Variants in SLC39A8 observed in about 807,000 individuals in gnomAD.
SLC39A8 encodes the protein metal cation symporter ZIP8.
SLC39A8 carries 15 observed loss-of-function variants against 40.4 expected under a neutral mutation model. That is an observed-to-expected ratio of 0.37 (90% confidence interval 0.25 to 0.57). The LOEUF is 0.57. Ranked by LOEUF, SLC39A8 falls within the 20% of genes least tolerant of loss-of-function variation. The pLI is 0.75. For missense variants in SLC39A8, 472 were observed against 558.8 expected (o/e 0.84, Z 1.57); for synonymous variants, 223 against 221.6 (o/e 1.01, Z -0.06).
At chr4:102,304,733 A>G (rs980454461) in intron 5 of SLC39A8, among the ~76,000 whole-genome samples, 29 of 151,928 alleles carry the variant, frequency 1.9e-4, no homozygotes, top group African/African-American at 6.7e-4. Flanking sequence ...ATAGAATATG[A>G]ATTATGCACA....
At chr4:102,294,700 C>A (rs1265414059) in intron 6 of SLC39A8, among the ~76,000 whole-genome samples, 1 of 152,052 alleles carries the variant, frequency 6.6e-6, no homozygotes, top group Non-Finnish European at 1.5e-5. Flanking sequence ...TGAATACACT[C>A]TTCCTTACTG....
chr4:102,343,064 T>C (rs972546368), intron 2 of SLC39A8, among the ~76,000 whole-genome samples: 1 of 152,182 alleles, frequency 6.6e-6, no homozygotes, highest in Non-Finnish European at 1.5e-5. Context: ...TTTGTGGGCA[T>C]TTCCATTTTT....
chr4:102,330,708 A>C (rs1339272181), intron 2 of SLC39A8, among the ~76,000 whole-genome samples: 1 of 152,232 alleles, frequency 6.6e-6, no homozygotes, highest in Non-Finnish European at 1.5e-5. Context: ...AAAACCTGGC[A>C]AAGACATAAC....
chr4:102,304,758 T>C (rs1734092837), intron 5 of SLC39A8, among the ~76,000 whole-genome samples: 1 of 150,932 alleles, frequency 6.6e-6, no homozygotes, highest in South Asian at 2.1e-4. Context: ...TTATTCAATA[T>C]TAAATTGCTG....
intron 6 of SLC39A8, among the ~76,000 whole-genome samples, chr4:102,295,051 T>C (rs936516187): frequency 6.6e-6 from 1 of 150,594 alleles, no homozygotes; most frequent in African/African-American, 2.4e-5. Flanking sequence ...ATTAAATGTG[T>C]GCATACTCCA....
At chr4:102,333,417 A>G (rs992100121) in intron 2 of SLC39A8, among the ~76,000 whole-genome samples, 3 of 152,204 alleles carry the variant, frequency 2.0e-5, no homozygotes, top group African/African-American at 7.2e-5. Flanking sequence ...TGGAGCTTCA[A>G]GAGATTAACT....
chr4:102,327,373 A>C (rs898076375), intron 2 of SLC39A8, among the ~76,000 whole-genome samples: 67 of 152,186 alleles, frequency 4.4e-4, no homozygotes, highest in African/African-American at 1.2e-3. Flanking sequence ...GGATAGATGA[A>C]TACTCTATCC....
chr4:102,312,000 G>A (rs1734455845), intron 3 of SLC39A8, among the ~76,000 whole-genome samples: 1 of 152,014 alleles, frequency 6.6e-6, no homozygotes, highest in Non-Finnish European at 1.5e-5. Context: ...ACATGTATAA[G>A]AACAAAGACA....
At chr4:102,312,341 C>T (rs1005151583) in intron 3 of SLC39A8, among the ~76,000 whole-genome samples, 4 of 152,012 alleles carry the variant, frequency 2.6e-5, no homozygotes, top group Non-Finnish European at 5.9e-5. Context: ...AGGCATTTCT[C>T]TTTTTATTGG....
intron 2 of SLC39A8, among the ~76,000 whole-genome samples, chr4:102,339,839 C>A (rs1735831230): frequency 6.6e-6 from 1 of 152,070 alleles, no homozygotes; most frequent in Non-Finnish European, 1.5e-5. Flanking sequence ...ACTCTCATGT[C>A]AGATTAATGT....
chr4:102,254,817 T>G (rs1381255820), intron 11 of SLC39A8, among the ~76,000 whole-genome samples: 1 of 152,222 alleles, frequency 6.6e-6, no homozygotes, highest in Non-Finnish European at 1.5e-5. Context: ...ATACATAGAA[T>G]ATTATTTCAA....
chr4:102,308,939 G>A (rs774983098), intron 3 of SLC39A8, among the ~76,000 whole-genome samples: 3 of 152,072 alleles, frequency 2.0e-5, no homozygotes, highest in African/African-American at 2.4e-5. Flanking sequence ...CCAGAATCAC[G>A]CAGATAGAAA....
chr4:102,300,411 G>A (rs190459442), intron 6 of SLC39A8, among the ~76,000 whole-genome samples: 16 of 152,130 alleles, frequency 1.1e-4, no homozygotes, highest in Admixed American at 1.0e-3. Context: ...GCTTAGCTGA[G>A]TATTCTGTAA....
chr4:102,305,838 G>C (rs1301450187), intron 4 of SLC39A8, among the ~76,000 whole-genome samples: 1 of 151,926 alleles, frequency 6.6e-6, no homozygotes, highest in African/African-American at 2.4e-5. Context: ...CAAATAAATA[G>C]AATCAGAGGA....
intron 2 of SLC39A8, among the ~76,000 whole-genome samples, chr4:102,335,457 G>C (rs912227885): frequency 6.6e-6 from 1 of 152,132 alleles, no homozygotes; most frequent in African/African-American, 2.4e-5. Context: ...TAAATGCAGA[G>C]GGTCCTGGAT....
intron 2 of SLC39A8, among the ~76,000 whole-genome samples, chr4:102,320,283 A>AGT (rs1312448292): frequency 7.9e-6 from 1 of 126,862 alleles, no homozygotes. Context: ...ATTATATATG[A>AGT]GTATATATAT....
chr4:102,274,533 A>T (rs538766002), intron 6 of SLC39A8, among the ~76,000 whole-genome samples: 17 of 152,362 alleles, frequency 1.1e-4, no homozygotes, highest in South Asian at 8.3e-4. Context: ...ACACTTCAGG[A>T]TATTATCCAG....
chr4:102,291,487 G>C (rs183629190), intron 6 of SLC39A8, among the ~76,000 whole-genome samples: 31 of 152,042 alleles, frequency 2.0e-4, no homozygotes, highest in Non-Finnish European at 2.5e-4. Flanking sequence ...TCTATCTTCA[G>C]ATAAACATAC....
chr4:102,344,128 A>G (rs1019008988), intron 2 of SLC39A8, among the ~76,000 whole-genome samples: 1 of 152,186 alleles, frequency 6.6e-6, no homozygotes, highest in Admixed American at 6.5e-5. Context: ...TCTAAAAAGC[A>G]TCTGTTAAAG....
Sources: gnomAD v4.1 joint callset for allele counts (sites outside exome capture counted in the v4.1 genomes callset) on GRCh38, gnomAD v4.1.1 for gene constraint, MANE v1.5 for transcripts, NCBI Gene and HGNC (gene_info 2026-07-23, HGNC 2026-07-21) for gene names.